The following RAB27B variants were observed in gnomAD, a reference collection of about 807,000 sequenced individuals.
RAB27B encodes the protein RAB27B, member RAS oncogene family, also known as ras-related protein Rab-27B.
RAB27B carries 15 observed loss-of-function variants against 24.6 expected under a neutral mutation model. The observed-to-expected ratio is 0.61, with a 90% CI of 0.41 to 0.94. The LOEUF is 0.94. RAB27B is among the 40% of genes least tolerant of loss of function. The pLI, the probability that RAB27B is intolerant of heterozygous loss-of-function variation, is 0.00. For synonymous variants in RAB27B, 105 were observed against 92.5 expected (o/e 1.14, Z -0.78); for missense variants, 261 against 266.8 (o/e 0.98, Z 0.15).
At chr18:54,726,972 A>G (rs1909558926) in intron 2 of RAB27B, among the ~76,000 whole-genome samples, 1 of 152,172 alleles carries the variant, frequency 6.6e-6, no homozygotes, top group Non-Finnish European at 1.5e-5. Context: ...TTTTAAAGAA[A>G]GAGTTTCTAT....
chr18:54,769,883 AT>A (rs1185324978), intron 2 of RAB27B, among the ~76,000 whole-genome samples: 3 of 151,688 alleles, frequency 2.0e-5, no homozygotes, highest in African/African-American at 4.8e-5. Flanking sequence ...TTTATTTTTT[AT>A]TTTTTGCTTG....
intron 2 of RAB27B, among the ~76,000 whole-genome samples, chr18:54,878,616 G>T (rs1168754693): frequency 6.6e-6 from 1 of 152,110 alleles, no homozygotes; most frequent in Non-Finnish European, 1.5e-5. Context: ...GGGTTTTCCT[G>T]CCTTCTCTCC....
intron 2 of RAB27B, among the ~76,000 whole-genome samples, chr18:54,743,732 G>T (rs914678329): frequency 7.9e-5 from 12 of 152,192 alleles, no homozygotes; most frequent in African/African-American, 2.9e-4. Context: ...ACACAACAAA[G>T]AGCCAGAGTG....
intron 2 of RAB27B, among the ~76,000 whole-genome samples, chr18:54,777,731 G>T (rs944957621): frequency 6.6e-6 from 1 of 152,104 alleles, no homozygotes; most frequent in Non-Finnish European, 1.5e-5. Flanking sequence ...CTGAAACATA[G>T]ATTTAAGTTG....
chr18:54,781,514 T>C (rs1908917972), intron 2 of RAB27B, among the ~76,000 whole-genome samples: 1 of 152,112 alleles, frequency 6.6e-6, no homozygotes, highest in Non-Finnish European at 1.5e-5. Flanking sequence ...GCCTGTCTAT[T>C]TGAATATCTA....
At chr18:54,755,958 A>G (rs1473398793) in intron 2 of RAB27B, among the ~76,000 whole-genome samples, 1 of 152,230 alleles carries the variant, frequency 6.6e-6, no homozygotes, top group Non-Finnish European at 1.5e-5. Flanking sequence ...AGAAACAACC[A>G]GCAAAGACTT....
At chr18:54,835,099 T>G (rs562252451) in intron 1 of RAB27B, among the ~76,000 whole-genome samples, 1 of 151,940 alleles carries the variant, frequency 6.6e-6, no homozygotes, top group Non-Finnish European at 1.5e-5. Flanking sequence ...ATTATTTTCA[T>G]AAACAAAATG....
At chr18:54,803,126 G>GA (rs896846169) in intron 2 of RAB27B, among the ~76,000 whole-genome samples, 1 of 151,996 alleles carries the variant, frequency 6.6e-6, no homozygotes, top group Non-Finnish European at 1.5e-5. Flanking sequence ...ATTAAGCAAG[G>GA]AAAAAAATAA....
At chr18:54,786,447 G>GGT (rs1403200601) in intron 2 of RAB27B, among the ~76,000 whole-genome samples, 4 of 152,074 alleles carry the variant, frequency 2.6e-5, no homozygotes, top group African/African-American at 9.7e-5. Context: ...GTGCCACTTT[G>GGT]GTTAATACAA....
intron 2 of RAB27B, among the ~76,000 whole-genome samples, chr18:54,787,661 A>G (rs1400291014): frequency 6.6e-6 from 1 of 152,180 alleles, no homozygotes; most frequent in Non-Finnish European, 1.5e-5. Context: ...AACTTTAAAA[A>G]TATAATAAAA....
intron 1 of RAB27B, among the ~76,000 whole-genome samples, chr18:54,842,686 C>T (rs1911164117): frequency 6.6e-6 from 1 of 152,220 alleles, no homozygotes; most frequent in African/African-American, 2.4e-5. Flanking sequence ...CTCTCAAGAA[C>T]AAAATGCTTA....
intron 1 of RAB27B, among the ~76,000 whole-genome samples, chr18:54,861,766 A>G (rs1159203596): frequency 1.3e-5 from 2 of 152,208 alleles, no homozygotes; most frequent in African/African-American, 4.8e-5. Context: ...TGGCCTGGGC[A>G]CTGGGGAGTT....
At chr18:54,845,528 T>C (rs923300241) in intron 1 of RAB27B, among the ~76,000 whole-genome samples, 2 of 151,586 alleles carry the variant, frequency 1.3e-5, no homozygotes, top group Non-Finnish European at 2.9e-5. Context: ...AAGAAAATTG[T>C]GAAATAAGTT....
At chr18:54,787,912 A>G (rs1028411591) in intron 2 of RAB27B, among the ~76,000 whole-genome samples, 1 of 152,230 alleles carries the variant, frequency 6.6e-6, no homozygotes, top group African/African-American at 2.4e-5. Context: ...AAGTTCCAGT[A>G]AAAGATTCCA....
chr18:54,761,611 T>C (rs1598885221), intron 2 of RAB27B, among the ~76,000 whole-genome samples: 1 of 152,208 alleles, frequency 6.6e-6, no homozygotes, highest in African/African-American at 2.4e-5. Context: ...ATCACTGGGC[T>C]GCCACATAGC....
rs1910552056 is a variant in RAB27B at position 54,828,492 on chromosome 18, G to C, written c.-228G>C. On this transcript the variant is annotated 5_prime_UTR_variant, in exon 1 of 6. Transcript: ENST00000262094. ...CAGCCCTGCCACTCGCAGTCCTGAC[G>C]GGCAGGGGCTGCGGACCGCCCGGCC... 6.6e-6 allele frequency: 1 copy of C among 152,282 alleles called. No homozygotes were observed. The highest frequency in any genetic ancestry group is 2.1e-4 in the South Asian group (1 of 4,834). The allele number at this position is 152,282 out of a possible 1,614,324, so 9.4% of individuals were successfully genotyped here. A position where few individuals can be genotyped will look rare whatever the true frequency, so the allele number is the denominator to read the frequency against.
At chr18:54,804,057 G>A (rs142928889) in intron 2 of RAB27B, among the ~76,000 whole-genome samples, 4 of 152,166 alleles carry the variant, frequency 2.6e-5, no homozygotes, top group Admixed American at 2.6e-4. Context: ...TTAATTATGT[G>A]GTCAGTCCCA....
At chr18:54,883,915 C>T (rs767042215) in intron 3 of RAB27B, among the ~76,000 whole-genome samples, 1 of 152,138 alleles carries the variant, frequency 6.6e-6, no homozygotes, top group Non-Finnish European at 1.5e-5. Flanking sequence ...CACAGGCATT[C>T]ATTTTCAGGC....
At chr18:54,733,681 G>T (rs1909801553) in intron 2 of RAB27B, among the ~76,000 whole-genome samples, 1 of 126,930 alleles carries the variant, frequency 7.9e-6, no homozygotes, top group Non-Finnish European at 1.6e-5. Context: ...TAAGCTCCTT[G>T]GCCTTCCAGA....
Sources: gnomAD v4.1 joint callset for allele counts (sites outside exome capture counted in the v4.1 genomes callset) on GRCh38, gnomAD v4.1.1 for gene constraint, MANE v1.5 for transcripts, NCBI Gene and HGNC (gene_info 2026-07-23, HGNC 2026-07-21) for gene names.